The following PLEKHG6 variants were observed in gnomAD, a reference collection of about 807,000 sequenced individuals.
The protein encoded by PLEKHG6 is pleckstrin homology domain-containing family G member 6.
Under a neutral mutation model 97.5 loss-of-function variants are expected in PLEKHG6, and 91 were observed. That is an observed-to-expected ratio of 0.93 (90% CI 0.79 to 1.11). PLEKHG6 has a LOEUF of 1.11. PLEKHG6 is among the 50% of genes most tolerant of loss of function. The pLI, the probability that PLEKHG6 is intolerant of heterozygous loss-of-function variation, is 0.00. For synonymous variants in PLEKHG6, 466 were observed against 425.5 expected (o/e 1.10, Z -1.17); for missense variants, 1,044 against 1,031.0 (o/e 1.01, Z -0.17).
At chr12:6,321,989 C>T (rs1044257697) in intron 13 of PLEKHG6, among the ~76,000 whole-genome samples, 1 of 152,066 alleles carries the variant, frequency 6.6e-6, no homozygotes, top group Non-Finnish European at 1.5e-5. Context: ...ACTTCAATTT[C>T]GTCATCTGCA....
At position 6,327,479 on chromosome 12, in the gene PLEKHG6, T is replaced by TGGGGGCCCCC; in HGVS notation, c.1896_1897insGGGGGCCCCC (p.Pro633GlyfsTer40). 3.7e-6 allele frequency: 6 copies of TGGGGGCCCCC among 1,603,238 alleles called. No individual in the cohort carries two copies. Among genetic ancestry groups the TGGGGGCCCCC allele is most frequent in the African/African-American group, 1.3e-5 (1 of 74,596 alleles). ...TGGAACTCCGGGACATCCCTCTGCG[T>TGGGGGCCCCC]CCCCACCCTCCCGACCCCCAAGCTC... is the stretch of plus-strand genomic sequence containing the variant. On this transcript the variant is annotated frameshift_variant, in exon 15 of 16. Coordinates refer to ENST00000684764, the MANE Select transcript of PLEKHG6 (RefSeq NM_001384598.1). LOFTEE classifies it high-confidence loss of function.
intron 13 of PLEKHG6, among the ~76,000 whole-genome samples, chr12:6,325,943 A>G (rs1410626848): frequency 6.6e-6 from 1 of 152,182 alleles, no homozygotes; most frequent in African/African-American, 2.4e-5. Context: ...ACTTAACCTT[A>G]GAGTCTCCAT....
chr12:6,312,036 G>A, intron 1 of PLEKHG6, 123 bp from the exon 2 acceptor site: 1 of 478,338 alleles, frequency 2.1e-6, no homozygotes, highest in Non-Finnish European at 3.6e-6. Flanking sequence ...AAGTGACCAA[G>A]CCCTTGGCCC....
intron 13 of PLEKHG6, among the ~76,000 whole-genome samples, chr12:6,324,292 T>C (rs866768136): frequency 6.8e-4 from 83 of 121,770 alleles, no homozygotes; most frequent in East Asian, 2.1e-3. Context: ...CTCGCCCCCC[T>C]CCCCCCCCCG....
At chr12:6,322,326 T>C (rs1947730869) in intron 13 of PLEKHG6, among the ~76,000 whole-genome samples, 1 of 152,212 alleles carries the variant, frequency 6.6e-6, no homozygotes, top group African/African-American at 2.4e-5. Context: ...TGGAGATATC[T>C]TAGGGGCTTT....
At position 6,312,302 on chromosome 12, in the gene PLEKHG6, C is replaced by A. The variant is rs570197517; in HGVS notation, c.76C>A (p.Arg26=). ...VASRIETYGG[R]HRASAQSTAG... is the part of the protein sequence containing the mutation. ...CTCCCGCATTGAGACTTATGGGGGCCGGCATCGAGCCTCTGCTCAGAGCAC... is the reference window on the plus strand; with the variant it reads ...CTCCCGCATTGAGACTTATGGGGGCAGGCATCGAGCCTCTGCTCAGAGCAC... The change falls in exon 2 of 16, where the codon CGG becomes AGG. Residue 26 remains arginine, a synonymous_variant. Transcript: ENST00000684764. 1.3e-6 allele frequency: 2 copies of A among 1,567,878 alleles called. No homozygotes were observed. Among genetic ancestry groups the A allele is most frequent in the South Asian group, 2.4e-5 (2 of 83,696 alleles).
Position 6,328,201 on chromosome 12 carries a change from G to C in PLEKHG6, c.*56G>C. The C allele has an allele frequency of 6.4e-7, 1 of 1,568,494 alleles. No individual in the cohort carries two copies. The highest frequency in any genetic ancestry group is 8.8e-7 in the Non-Finnish European group (1 of 1,138,772). On this transcript the variant is annotated 3_prime_UTR_variant, in exon 16 of 16. Coordinates refer to ENST00000684764, the MANE Select transcript of PLEKHG6 (RefSeq NM_001384598.1). Reference sequence around the variant, plus strand: ...TCCCAGAGGAGATCTCTCCCCAGTAGTGCTGGTCACCCTCCGGCATCTGTG... The same window carrying C: ...TCCCAGAGGAGATCTCTCCCCAGTACTGCTGGTCACCCTCCGGCATCTGTG...
chr12:6,318,771 T>C lies in PLEKHG6; in HGVS notation c.1302T>C (p.Ser434=), dbSNP rs1172571684. 1 of 1,613,932 alleles carries C rather than the reference T, an allele frequency of 6.2e-7. No homozygotes were observed. Among genetic ancestry groups the C allele is most frequent in the Non-Finnish European group, 8.5e-7 (1 of 1,179,986 alleles). ...TGGACGTGTACCTGTTCCTCTTCTC[T>C]GATGTGCTCCTTGTGACCAAGCCCC... is the stretch of plus-strand genomic sequence containing the variant. ...GKLDVYLFLF[S]DVLLVTKPQR... Residue 434 remains serine, a synonymous_variant, in exon 12 of 16, where the codon TCT becomes TCC. Transcript: ENST00000684764.
At position 6,318,861 on chromosome 12, in the gene PLEKHG6, A is replaced by T; in HGVS notation, c.1392A>T (p.Gln464His). 6.2e-7 allele frequency: 1 copy of T among 1,614,082 alleles called. No individual in the cohort carries two copies. Among genetic ancestry groups the T allele is most frequent in the African/African-American group, 1.3e-5 (1 of 74,998 alleles). The change falls in exon 12 of 16, where the codon CAA becomes CAT. Residue 464 changes from glutamine (Q) to histidine (H), a missense_variant. Gln to His is a conservative substitution (Grantham distance 24). Transcript: ENST00000684764. ...TCATGCTGGAGAAGCTCGTGTGCCA[A>T]CCCCTGCGAGACCCCAGTACGTCCT... is the stretch of plus-strand genomic sequence containing the variant. Reference protein sequence around the residue: ...PPLMLEKLVCQPLRDPNSFLL... With the variant: ...PPLMLEKLVCHPLRDPNSFLL...
chr12:6,313,300 G>A lies in PLEKHG6; in HGVS notation c.139-329G>A, dbSNP rs1243414936. Reference sequence around the variant, plus strand: ...GTCCATGCACCCCCCATGGTACGGAGAGCAGGAGGCAGTGGGGGCACACAC... The same window carrying A: ...GTCCATGCACCCCCCATGGTACGGAAAGCAGGAGGCAGTGGGGGCACACAC... On this transcript the variant is annotated intron_variant, in intron 2 of 15. Transcript: ENST00000684764. 2.8e-6 allele frequency: 3 copies of A among 1,056,550 alleles called. No homozygotes were observed. The East Asian group carries it at 7.9e-5, about 28-fold the overall frequency. 65.4% of individuals were successfully genotyped at this position (1,056,550 alleles called of 1,614,324 possible).
chr12:6,312,081 C>T (rs929588232), intron 1 of PLEKHG6, 78 bp from the exon 2 acceptor site: 5 of 625,258 alleles, frequency 8.0e-6, no homozygotes, highest in African/African-American at 1.9e-5. Context: ...TCCCAGGCCC[C>T]CTACCAGCCT....
At position 6,326,320 on chromosome 12, in the gene PLEKHG6, T is replaced by A. The variant is rs542485774; in HGVS notation, c.1525-108T>A. ...ACTCAGTCTCAAAAAATAATAATAATAATAAAATAAAATAAGGTAATATAT... is the reference window on the plus strand; with the variant it reads ...ACTCAGTCTCAAAAAATAATAATAAAAATAAAATAAAATAAGGTAATATAT... On this transcript the variant is annotated intron_variant, in intron 13 of 15. Coordinates refer to ENST00000684764, the MANE Select transcript of PLEKHG6 (RefSeq NM_001384598.1). The A allele has an allele frequency of 3.3e-4, 212 of 633,736 alleles. 1 individual carries two copies. In the African/African-American group the frequency reaches 3.7e-3, roughly 11 times the overall value. The allele number at this position is 633,736 out of a possible 1,614,324, so 39.3% of individuals were successfully genotyped here. A position where few individuals can be genotyped will look rare whatever the true frequency, so the allele number is the denominator to read the frequency against.
At position 6,318,354 on chromosome 12, in the gene PLEKHG6, A is replaced by G. The variant is rs752710703; in HGVS notation, c.1209A>G (p.Ala403=). The stretch of plus-strand genomic sequence containing the variant: ...TGACGTCCCCCATGCTGGGGGTTGC[A>G]TCTGAGCACACCAGACAGCTGCTGC... ...LDLTSPMLGV[A]SEHTRQLLLE... is the part of the protein sequence containing the mutation. The change falls in exon 11 of 16, where the codon GCA becomes GCG. Residue 403 remains alanine (A), a synonymous_variant. Transcript: ENST00000684764. 1 of 1,613,992 alleles carries G rather than the reference A, an allele frequency of 6.2e-7. No individual in the cohort carries two copies. The highest frequency in any genetic ancestry group is 8.5e-7 in the Non-Finnish European group (1 of 1,179,958).
In PLEKHG6 at chr12:6,317,645, T is replaced by C. The variant is rs760413766; in HGVS notation, c.966T>C (p.Ala322=). The change falls in exon 9 of 16, where the codon GCT becomes GCC. Residue 322 remains alanine (A), a synonymous_variant. Transcript: ENST00000684764. ...CCAAGTACCCACTGCTGCTCCATGC[T>C]GTGCTCAAGAGGAGCCCCGAGGCAC... The part of the protein sequence containing the change: ...RITKYPLLLH[A]VLKRSPEARA... The C allele has an allele frequency of 2.5e-6, 4 of 1,614,008 alleles. No homozygotes were observed. The South Asian group carries it at 4.4e-5, about 18-fold the overall frequency.
chr12:6,317,735 G>A, intron 9 of PLEKHG6, 39 bp downstream of exon 9: 1 of 1,606,258 alleles, frequency 6.2e-7, no homozygotes. Flanking sequence ...GGTGAATCGG[G>A]GACTGGGAGG....
In PLEKHG6 at chr12:6,316,478, C is replaced by G; in HGVS notation, c.756+74C>G. 7.4e-7 allele frequency: 1 copy of G among 1,360,256 alleles called. No individual in the cohort carries two copies. The allele number at this position is 1,360,256 out of a possible 1,614,324, so 84.3% of individuals were successfully genotyped here. ...TCGGGGGTCCTGTGTGTAGGGCATGCCCACAGTATGCAAATCTCTGTGATT... is the reference window on the plus strand; with the variant it reads ...TCGGGGGTCCTGTGTGTAGGGCATGGCCACAGTATGCAAATCTCTGTGATT... On this transcript the variant is annotated intron_variant, in intron 7 of 15. Transcript: ENST00000684764. This position sits in a 1 kb window ranked among gnomAD's most constrained non-coding sequence, Gnocchi z 4.1.
In PLEKHG6 at chr12:6,316,358, C is replaced by G. The variant is rs374606602; in HGVS notation, c.710C>G (p.Ser237Trp). The change falls in exon 7 of 16, where the codon TCG (serine) becomes TGG (tryptophan). Residue 237 changes from serine to tryptophan, a missense_variant. Transcript: ENST00000684764. This position sits in a 1 kb window ranked among gnomAD's most constrained non-coding sequence, Gnocchi z 4.1. ...LGPTLEETRASGQPLDPIGLQ... is the reference protein window; with the variant it reads ...LGPTLEETRAWGQPLDPIGLQ... The stretch of plus-strand genomic sequence containing the variant: ...CCCACCCTGGAGGAGACTCGGGCCT[C>G]GGGCCAGCCTCTGGACCCCATTGGT... 1 of 1,566,780 alleles carries G rather than the reference C, an allele frequency of 6.4e-7. No homozygotes were observed. The highest frequency in any genetic ancestry group is 1.9e-5 in the Admixed American group (1 of 52,950).
intron 2 of PLEKHG6, 130 bp from the exon 3 acceptor site, chr12:6,313,499 G>C: frequency 9.1e-7 from 1 of 1,100,018 alleles, no homozygotes; most frequent in Non-Finnish European, 1.3e-6. Context: ...GGTTTGCAGG[G>C]AGAAGTGAGC....
chr12:6,312,870 G>T, intron 2 of PLEKHG6: 1 of 1,333,724 alleles, frequency 7.5e-7, no homozygotes, highest in Non-Finnish European at 9.7e-7. Flanking sequence ...CAAGCAGAGG[G>T]GTGTGGAAGC....
Sources: gnomAD v4.1 joint callset for allele counts (sites outside exome capture counted in the v4.1 genomes callset) on GRCh38, gnomAD v4.1.1 for gene constraint, Gnocchi (gnomAD v3.1) non-coding constraint, MANE v1.5 for transcripts, NCBI Gene and HGNC (gene_info 2026-07-23, HGNC 2026-07-21) for gene names.